SNRPN: variants seen among roughly 807,000 people sequenced by gnomAD.
The protein encoded by SNRPN is small nuclear ribonucleoprotein polypeptide N.
In SNRPN, 7 loss-of-function variants were observed where a neutral mutation model predicts 25.2. That is an observed-to-expected ratio of 0.28 (90% CI 0.16 to 0.52). The LOEUF is 0.52. SNRPN is among the 20% of genes least tolerant of loss of function. The pLI, the probability that SNRPN is intolerant of heterozygous loss-of-function variation, is 0.96. For missense variants in SNRPN, 196 were observed against 322.5 expected, an observed-to-expected ratio of 0.61 and a Z score of 3.00; for synonymous variants, 124 against 110.6, an observed-to-expected ratio of 1.12 and a Z score of -0.76.
At chr15:24,952,102 T>C (rs1451683658), upstream of SNRPN, among the ~76,000 whole-genome samples, 3 of 152,246 alleles carry the variant, frequency 2.0e-5, no homozygotes, top group African/African-American at 7.2e-5. Flanking sequence ...GTGTAAAATA[T>C]ACACATACAC....
intron 2 of SNRPN, among the ~76,000 whole-genome samples, chr15:24,917,245 TA>T (rs1372460187): frequency 1.3e-5 from 2 of 152,182 alleles, no homozygotes; most frequent in Non-Finnish European, 2.9e-5. Context: ...TCCAGGTAAG[TA>T]GGAATAGAAG....
At chr15:24,913,885 C>T (rs919338962) in intron 2 of SNRPN, among the ~76,000 whole-genome samples, 3 of 152,014 alleles carry the variant, frequency 2.0e-5, no homozygotes, top group Non-Finnish European at 2.9e-5. Context: ...AGCAGAGAAC[C>T]GTACATTTTT....
intron 2 of SNRPN, among the ~76,000 whole-genome samples, chr15:24,889,018 T>C (rs1433327513): frequency 6.6e-6 from 1 of 151,796 alleles, no homozygotes; most frequent in Admixed American, 6.6e-5. Flanking sequence ...CTGGGGTTCA[T>C]GCCATTCTCT....
intron 2 of SNRPN, among the ~76,000 whole-genome samples, chr15:24,832,975 G>A (rs1334859499): frequency 6.6e-6 from 1 of 151,744 alleles, no homozygotes; most frequent in Non-Finnish European, 1.5e-5. Context: ...CGTGGTGGCA[G>A]GCGCCTGCAG....
intron 1 of SNRPN, among the ~76,000 whole-genome samples, chr15:24,869,634 A>T (rs183267686): frequency 6.6e-6 from 1 of 152,172 alleles, no homozygotes; most frequent in Admixed American, 6.5e-5. Flanking sequence ...GATCACTGAG[A>T]GAAAATGTCA....
chr15:24,971,538 GAT>G (rs1005122050), intron 3 of SNRPN, among the ~76,000 whole-genome samples: 8 of 150,988 alleles, frequency 5.3e-5, no homozygotes, highest in Non-Finnish European at 1.0e-4. Flanking sequence ...ATTATATTAT[GAT>G]ATATATATAA....
At chr15:24,839,748 G>A (rs2051523584) in intron 2 of SNRPN, among the ~76,000 whole-genome samples, 1 of 152,106 alleles carries the variant, frequency 6.6e-6, no homozygotes, top group African/African-American at 2.4e-5. Context: ...CAGCAGGCTT[G>A]TCTTGGAGCC....
At chr15:24,858,766 A>C (rs1173500378) in intron 1 of SNRPN, among the ~76,000 whole-genome samples, 1 of 152,106 alleles carries the variant, frequency 6.6e-6, no homozygotes, top group Non-Finnish European at 1.5e-5. Context: ...GAGCCACTGC[A>C]CTCCAGTCTG....
At chr15:24,891,986 C>T (rs1333432974) in intron 2 of SNRPN, among the ~76,000 whole-genome samples, 1 of 152,120 alleles carries the variant, frequency 6.6e-6, no homozygotes, top group Non-Finnish European at 1.5e-5. Flanking sequence ...GTAAATGGGA[C>T]AAGTTAAGGC....
intron 1 of SNRPN, among the ~76,000 whole-genome samples, chr15:24,865,046 CTTTTT>C (rs35703226): frequency 4.5e-5 from 6 of 133,032 alleles, no homozygotes; most frequent in Admixed American, 1.5e-4. Flanking sequence ...GGAGACTGAG[CTTTTT>C]TTTTTTTTTT....
chr15:24,891,471 T>A (rs2057667491), intron 2 of SNRPN, among the ~76,000 whole-genome samples: 1 of 151,946 alleles, frequency 6.6e-6, no homozygotes, highest in African/African-American at 2.4e-5. Context: ...GGATTCTCGC[T>A]GTGTTGCCCA....
intron 2 of SNRPN, among the ~76,000 whole-genome samples, chr15:24,918,959 A>G (rs866669493): frequency 1.3e-5 from 1 of 78,972 alleles, no homozygotes; most frequent in African/African-American, 4.4e-5. Context: ...CATAATATAT[A>G]TGCGCGCATA....
At chr15:24,907,361 G>A (rs961293078) in intron 2 of SNRPN, among the ~76,000 whole-genome samples, 4 of 152,096 alleles carry the variant, frequency 2.6e-5, no homozygotes, top group Non-Finnish European at 5.9e-5. Context: ...ACTTTGGGAG[G>A]CCGAGGCAGG....
At chr15:24,956,937 T>A (rs1247462042) in intron 1 of SNRPN, among the ~76,000 whole-genome samples, 2 of 152,232 alleles carry the variant, frequency 1.3e-5, no homozygotes, top group Admixed American at 1.3e-4. Flanking sequence ...CAAGACCTGC[T>A]GTGCTGTTTC....
intron 2 of SNRPN, among the ~76,000 whole-genome samples, chr15:24,903,760 G>A (rs767582169): frequency 6.6e-6 from 1 of 152,162 alleles, no homozygotes; most frequent in African/African-American, 2.4e-5. Flanking sequence ...AGGGCCAAGC[G>A]CGGTGGCTCA....
chr15:24,888,724 A>G (rs539894934), intron 2 of SNRPN, among the ~76,000 whole-genome samples: 1 of 152,230 alleles, frequency 6.6e-6, no homozygotes, highest in South Asian at 2.1e-4. Flanking sequence ...CCTCTTACTG[A>G]CTTAATTTTA....
chr15:24,855,278 T>C (rs17772947), upstream of SNRPN, among the ~76,000 whole-genome samples: 12,288 of 152,074 alleles, frequency 0.081, 676 homozygotes, highest in Middle Eastern at 0.17. Flanking sequence ...AATCTACAGG[T>C]TTTATGGATT....
intron 1 of SNRPN, among the ~76,000 whole-genome samples, chr15:24,827,653 G>A (rs1379456443): frequency 6.6e-6 from 1 of 151,894 alleles, no homozygotes; most frequent in Non-Finnish European, 1.5e-5. Flanking sequence ...AGGATCACGA[G>A]GTCAGGAGTT....
chr15:24,921,365 CTG>C (rs1345134367), intron 3 of SNRPN: 1 of 152,160 alleles, frequency 6.6e-6, no homozygotes, highest in Non-Finnish European at 1.5e-5. Flanking sequence ...CTCTCAGAAA[CTG>C]TTCCTGCAGA....
Sources: gnomAD v4.1 joint callset for allele counts (sites outside exome capture counted in the v4.1 genomes callset) on GRCh38, gnomAD v4.1.1 for gene constraint, MANE v1.5 for transcripts, NCBI Gene and HGNC (gene_info 2026-07-23, HGNC 2026-07-21) for gene names.